Variants in SLC35F1 observed in about 807,000 individuals in gnomAD.
SLC35F1 encodes solute carrier family 35 member F1, also known as chromosome 6 open reading frame 169.
A neutral mutation model predicts 48.7 loss-of-function variants in SLC35F1; 14 were observed. The ratio of observed to expected loss-of-function variants is 0.29; its 90% CI spans 0.19 to 0.45. The LOEUF is 0.45. Among genes scored for constraint, SLC35F1 ranks in the 20% least tolerant of loss-of-function variants. SLC35F1 has a pLI of 1.00. For synonymous variants in SLC35F1, 190 were observed against 202.2 expected (o/e 0.94, Z 0.51); for missense variants, 404 against 500.0 (o/e 0.81, Z 1.83).
At chr6:117,982,902 G>T (rs1776799910) in intron 1 of SLC35F1, among the ~76,000 whole-genome samples, 3 of 151,964 alleles carry the variant, frequency 2.0e-5, no homozygotes, top group Admixed American at 2.0e-4. Flanking sequence ...TAACCAATCT[G>T]ATTTTGGGCC....
chr6:118,265,545 C>A (rs964151655), intron 3 of SLC35F1, among the ~76,000 whole-genome samples: 3 of 152,092 alleles, frequency 2.0e-5, no homozygotes, highest in Non-Finnish European at 4.4e-5. Context: ...GAAGTTCAAG[C>A]AGTGGAGCTC....
chr6:117,937,012 AACAATGGATGCCAG>A (rs112377732), intron 1 of SLC35F1, among the ~76,000 whole-genome samples: 6,071 of 152,290 alleles, frequency 0.04, 424 homozygotes, highest in African/African-American at 0.14. Context: ...TTTGCATCAT[AACAATGGATGCCAG>A]ACACTTTATG....
At chr6:118,257,742 G>GTCTATTTCTAAT (rs1407197949) in intron 3 of SLC35F1, among the ~76,000 whole-genome samples, 3 of 152,162 alleles carry the variant, frequency 2.0e-5, no homozygotes, top group Non-Finnish European at 4.4e-5. Context: ...TTATTAGAAT[G>GTCTATTTCTAAT]AAAACATAGT....
intron 1 of SLC35F1, among the ~76,000 whole-genome samples, chr6:117,990,765 G>A (rs1027403241): frequency 1.3e-5 from 2 of 152,110 alleles, no homozygotes; most frequent in Admixed American, 6.6e-5. Context: ...AGAGATTAGG[G>A]GTATTAATAG....
Position 118,246,299 on chromosome 6 carries a change from G to A in SLC35F1, c.477+10663G>A, listed in dbSNP as rs1372487678. ...TGACCTCTCTGTTCTATAAAGGACC[G>A]GCCCTCTTTTTCTTCATGGCTCAGC... is the stretch of plus-strand genomic sequence containing the variant. On this transcript the variant is annotated intron_variant, in intron 3 of 7. Transcript: ENST00000360388. Among the ~76,000 whole-genome samples, 9 of 152,260 alleles carry A rather than the reference G, an allele frequency of 5.9e-5. No homozygotes were observed. The South Asian group carries it at 8.3e-4, about 14-fold the overall frequency.
chr6:118,096,529 A>G (rs780160945), intron 1 of SLC35F1, among the ~76,000 whole-genome samples: 4 of 152,224 alleles, frequency 2.6e-5, no homozygotes, highest in African/African-American at 4.8e-5. Flanking sequence ...CACACTGAGC[A>G]GTTCCTGGTC....
At chr6:118,155,502 G>A (rs1273156164) in intron 2 of SLC35F1, among the ~76,000 whole-genome samples, 2 of 152,156 alleles carry the variant, frequency 1.3e-5, no homozygotes, top group African/African-American at 4.8e-5. Flanking sequence ...TCTTGTGCCT[G>A]TCTGCCATGT....
At chr6:118,283,829 A>T (rs1359809277) in intron 6 of SLC35F1, among the ~76,000 whole-genome samples, 1 of 152,208 alleles carries the variant, frequency 6.6e-6, no homozygotes, top group East Asian at 1.9e-4. Context: ...CCACATGCAG[A>T]AAAACGGTCC....
intron 3 of SLC35F1, among the ~76,000 whole-genome samples, chr6:118,252,587 T>G (rs1775588594): frequency 6.6e-6 from 1 of 152,056 alleles, no homozygotes; most frequent in African/African-American, 2.4e-5. Flanking sequence ...GCTGAGTATA[T>G]GTGTCTGGAG....
At chr6:118,135,310 G>C (rs1334828) in intron 1 of SLC35F1, among the ~76,000 whole-genome samples, 3 of 151,936 alleles carry the variant, frequency 2.0e-5, no homozygotes, top group Admixed American at 1.3e-4. Context: ...CATTCTCTGG[G>C]TTATAAACTC....
chr6:118,000,503 G>T (rs1777075801), intron 1 of SLC35F1, among the ~76,000 whole-genome samples: 1 of 152,112 alleles, frequency 6.6e-6, no homozygotes, highest in Non-Finnish European at 1.5e-5. Context: ...TACTGAATGG[G>T]CAAAAACTGG....
chr6:118,090,247 T>A (rs747760212), intron 1 of SLC35F1, among the ~76,000 whole-genome samples: 9 of 152,130 alleles, frequency 5.9e-5, no homozygotes, highest in Admixed American at 1.3e-4. Flanking sequence ...TAAGTCAAAT[T>A]TCCTAGTATT....
At chr6:118,079,340 G>C (rs1333327347) in intron 1 of SLC35F1, among the ~76,000 whole-genome samples, 1 of 152,112 alleles carries the variant, frequency 6.6e-6, no homozygotes. Flanking sequence ...TGTATAGCAT[G>C]TATCAATTTC....
At chr6:117,966,307 G>C (rs560034884) in intron 1 of SLC35F1, among the ~76,000 whole-genome samples, 1 of 152,046 alleles carries the variant, frequency 6.6e-6, no homozygotes, top group African/African-American at 2.4e-5. Context: ...CTTCAGCTTC[G>C]CTCCTGAAGT....
At chr6:117,945,859 A>G (rs1173737741) in intron 1 of SLC35F1, among the ~76,000 whole-genome samples, 3 of 152,242 alleles carry the variant, frequency 2.0e-5, no homozygotes, top group Admixed American at 2.0e-4. Flanking sequence ...GGTCCCCCAG[A>G]GTGAACTTTT....
intron 1 of SLC35F1, among the ~76,000 whole-genome samples, chr6:118,052,185 CAA>C (rs1476478500): frequency 2.6e-5 from 4 of 152,226 alleles, no homozygotes; most frequent in African/African-American, 7.2e-5. Flanking sequence ...CACCCCTTCC[CAA>C]CCCCTCCTTG....
At chr6:118,084,381 T>G (rs962622900) in intron 1 of SLC35F1, among the ~76,000 whole-genome samples, 1 of 152,178 alleles carries the variant, frequency 6.6e-6, no homozygotes, top group Non-Finnish European at 1.5e-5. Flanking sequence ...TGATTCTTAT[T>G]TTGCCTGTAA....
In SLC35F1 at chr6:118,253,659, G is replaced by A. The variant is rs180969159; in HGVS notation, c.478-13336G>A. 5.3e-5 allele frequency among the ~76,000 whole-genome samples: 8 copies of A among 151,952 alleles called. No homozygotes were observed. The East Asian group carries it at 1.6e-3, about 30-fold the overall frequency. ...AAAGACAGAACAAAGGGCCAAAGAG[G>A]TAGGAGGGAAAAACAACAGATAAAT... On this transcript the variant is annotated intron_variant, in intron 3 of 7. Transcript: ENST00000360388.
At chr6:118,260,658 T>A (rs1775701142) in intron 3 of SLC35F1, among the ~76,000 whole-genome samples, 1 of 152,160 alleles carries the variant, frequency 6.6e-6, no homozygotes, top group Non-Finnish European at 1.5e-5. Context: ...AGAAAGGATA[T>A]CTTGTTCATC....
Sources: allele counts gnomAD v4.1 joint callset (sites outside exome capture counted in the v4.1 genomes callset), GRCh38; gene constraint gnomAD v4.1.1; transcripts MANE v1.5; gene names NCBI Gene and HGNC (gene_info 2026-07-23, HGNC 2026-07-21).